The following CEP162 variants were observed in gnomAD, a reference collection of about 807,000 sequenced individuals.
CEP162 encodes centrosomal protein 162.
CEP162 carries 141 observed loss-of-function variants against 169.2 expected under a neutral mutation model. That is an observed-to-expected ratio of 0.83 (90% confidence interval 0.73 to 0.96). The LOEUF (loss-of-function observed/expected upper bound fraction) is 0.96, where lower values mean the gene tolerates loss of function less well. CEP162 is among the 40% of genes least tolerant of loss of function. The pLI, the probability that CEP162 is intolerant of heterozygous loss-of-function variation, is 0.00. For missense variants in CEP162, 1,600 were observed against 1,587.2 expected (o/e 1.01, Z -0.14); for synonymous variants, 540 against 526.4 (o/e 1.03, Z -0.35).
intron 1 of CEP162, 37 bp downstream of exon 1, chr6:84,227,543 T>C (rs899819214): frequency 6.6e-6 from 1 of 152,132 alleles, no homozygotes; most frequent in Admixed American, 6.5e-5. Flanking sequence ...CCAGGGCGAT[T>C]TGGGTGGGAA....
At position 84,174,718 on chromosome 6, in the gene CEP162, A is replaced by AT; in HGVS notation, c.2025+8dup. ...ATATAAAAAAATACCAGAACAATGT[A>AT]TCTAGTACCTTGGCTTGAAGAATAT... On this transcript the variant is annotated intron_variant, in intron 15 of 26. Coordinates refer to ENST00000403245, the MANE Select transcript of CEP162 (RefSeq NM_014895.4). 2 of 1,207,024 alleles carry AT rather than the reference A, an allele frequency of 1.7e-6. No individual in the cohort carries two copies. The highest frequency in any genetic ancestry group is 4.0e-4 in the Middle Eastern group (2 of 4,974). 74.8% of individuals were successfully genotyped at this position (1,207,024 alleles called of 1,614,324 possible).
At position 84,187,779 on chromosome 6, in the gene CEP162, C is replaced by T. The variant is rs184468096; in HGVS notation, c.1110-1156G>A. Among the ~76,000 whole-genome samples the T allele has an allele frequency of 5.3e-5, 8 of 152,192 alleles. No individual in the cohort carries two copies. In the East Asian group the frequency reaches 9.7e-4, roughly 18 times the overall value. On this transcript the variant is annotated intron_variant, in intron 11 of 26. Transcript: ENST00000403245. ...GTTTATAAGGCAGACCACATGCCAG[C>T]CGACCATGGAGAACTAAGAGAAATG...
intron 18 of CEP162, among the ~76,000 whole-genome samples, chr6:84,166,138 T>G (rs1416112609): frequency 6.6e-6 from 1 of 152,220 alleles, no homozygotes; most frequent in Non-Finnish European, 1.5e-5. Context: ...GTATGCCTCA[T>G]GTTAAACCTG....
chr6:84,142,758 T>A (rs2099517204), intron 25 of CEP162, among the ~76,000 whole-genome samples: 1 of 152,174 alleles, frequency 6.6e-6, no homozygotes, highest in South Asian at 2.1e-4. Flanking sequence ...ACCTAGGAGT[T>A]CATCCCCAAA....
intron 2 of CEP162, among the ~76,000 whole-genome samples, chr6:84,225,572 T>G (rs182975021): frequency 2.4e-4 from 37 of 151,730 alleles, no homozygotes; most frequent in Middle Eastern, 3.4e-3. Flanking sequence ...CAAATATTTA[T>G]TAAGTATTTA....
chr6:84,227,545 G>A (rs995529200), intron 1 of CEP162, 35 bp downstream of exon 1: 2 of 152,200 alleles, frequency 1.3e-5, no homozygotes, highest in African/African-American at 4.8e-5. Context: ...AGGGCGATTT[G>A]GGTGGGAAAC....
At chr6:84,188,103 C>CA (rs200434055) in intron 11 of CEP162, among the ~76,000 whole-genome samples, 16,189 of 80,232 alleles carry the variant, frequency 0.2, 1,279 homozygotes, top group East Asian at 0.5. Context: ...GACTCCGTCT[C>CA]AAAAAAAAAA....
At chr6:84,171,362 C>G (rs529841592) in intron 17 of CEP162, among the ~76,000 whole-genome samples, 1 of 152,196 alleles carries the variant, frequency 6.6e-6, no homozygotes, top group East Asian at 1.9e-4. Context: ...ATGTTTGAAT[C>G]AGTTATGAAC....
intron 25 of CEP162, among the ~76,000 whole-genome samples, chr6:84,141,407 CA>C: frequency 6.6e-6 from 1 of 152,154 alleles, no homozygotes; most frequent in South Asian, 2.1e-4. Flanking sequence ...CCAACGTTAA[CA>C]TCTACATCTG....
chr6:84,135,872 C>CAA (rs1469557921), intron 25 of CEP162, among the ~76,000 whole-genome samples: 1 of 152,078 alleles, frequency 6.6e-6, no homozygotes, highest in African/African-American at 2.4e-5. Context: ...AAAAAAACAA[C>CAA]AAAAAAATGA....
At chr6:84,177,766 A>T (rs2099532999) in intron 13 of CEP162, among the ~76,000 whole-genome samples, 1 of 152,132 alleles carries the variant, frequency 6.6e-6, no homozygotes, top group Non-Finnish European at 1.5e-5. Context: ...CGAACTCTTT[A>T]CCTCAAGTGA....
intron 21 of CEP162, among the ~76,000 whole-genome samples, chr6:84,159,225 A>G (rs1322633532): frequency 2.0e-5 from 3 of 151,528 alleles, no homozygotes; most frequent in Admixed American, 2.0e-4. Context: ...ATCCAACTAT[A>G]TAGATAACTA....
Position 84,221,067 on chromosome 6 carries a change from A to C in CEP162, c.162T>G (p.Phe54Leu), listed in dbSNP as rs1197194998. The C allele has an allele frequency of 1.3e-6, 2 of 1,551,566 alleles. No individual in the cohort carries two copies. The highest frequency in any genetic ancestry group is 1.8e-6 in the Non-Finnish European group (2 of 1,124,924). Residue 54 changes from phenylalanine to leucine, a missense_variant, in exon 3 of 27, where the codon TTT becomes TTG. Physicochemically the swap from Phe to Leu is conservative, Grantham distance 22 (BLOSUM62 0). Transcript: ENST00000403245. ...TVPWWITEDD[F>L]KDDGLLGTNV... is the part of the protein sequence containing the mutation. ...ATCAGCAACATTTACCATCATCTTT[A>C]AAATCATCTTCAGTTATCCACCAAG...
chr6:84,185,095 T>G, intron 13 of CEP162, 92 bp downstream of exon 13: 1 of 1,192,680 alleles, frequency 8.4e-7, no homozygotes, highest in Non-Finnish European at 1.2e-6. Flanking sequence ...CTCCTGCAAA[T>G]TGAATCTTAC....
At chr6:84,168,385 C>T (rs6910637) in intron 18 of CEP162, among the ~76,000 whole-genome samples, 9,224 of 152,106 alleles carry the variant, frequency 0.061, 908 homozygotes, top group African/African-American at 0.21. Flanking sequence ...ACTACAAAAC[C>T]CTGTTACCTT....
intron 21 of CEP162, among the ~76,000 whole-genome samples, chr6:84,155,834 C>T (rs1310989037): frequency 6.6e-6 from 1 of 152,042 alleles, no homozygotes; most frequent in African/African-American, 2.4e-5. Flanking sequence ...CAATTCAATC[C>T]CTATCAAATT....
chr6:84,152,306 C>T (rs17185647), intron 23 of CEP162, among the ~76,000 whole-genome samples: 6,449 of 152,176 alleles, frequency 0.042, 198 homozygotes, highest in Admixed American at 0.086. Flanking sequence ...GACTGGCGAG[C>T]CCAAGGACAC....
intron 13 of CEP162, among the ~76,000 whole-genome samples, chr6:84,182,236 C>T (rs943101627): frequency 6.6e-6 from 1 of 152,056 alleles, no homozygotes; most frequent in Admixed American, 6.6e-5. Flanking sequence ...AGCATAACAA[C>T]AGTTGTTTCT....
At position 84,186,634 on chromosome 6, in the gene CEP162, A is replaced by G; in HGVS notation, c.1110-11T>C. On this transcript the variant is annotated splice_polypyrimidine_tract_variant and intron_variant, in intron 11 of 26. Transcript: ENST00000403245. ...GCCACTTTCTCAGAGCTATAAAACA[A>G]AACAGGACACAGATAATGAACCCTA... 1 of 1,587,698 alleles carries G rather than the reference A, an allele frequency of 6.3e-7. No individual in the cohort carries two copies. Among genetic ancestry groups the G allele is most frequent in the South Asian group, 1.1e-5 (1 of 87,254 alleles).
Sources: gnomAD v4.1 joint callset for allele counts (sites outside exome capture counted in the v4.1 genomes callset) on GRCh38, gnomAD v4.1.1 for gene constraint, MANE v1.5 for transcripts, NCBI Gene and HGNC (gene_info 2026-07-23, HGNC 2026-07-21) for gene names.